The following ULK3 variants were observed in gnomAD, a reference collection of about 807,000 sequenced individuals.
The protein encoded by ULK3 is unc-51 like kinase 3.
In ULK3, 54 loss-of-function variants were observed where a neutral mutation model predicts 69.4. The ratio of observed to expected loss-of-function variants is 0.78; its 90% CI spans 0.63 to 0.98. The LOEUF (loss-of-function observed/expected upper bound fraction) is 0.98. Ranked by LOEUF, ULK3 falls within the 50% of genes least tolerant of loss-of-function variation. ULK3 has a pLI of 0.00. For synonymous variants in ULK3, 240 were observed against 254.5 expected, an observed-to-expected ratio of 0.94 and a Z score of 0.54; for missense variants, 558 against 627.7, an observed-to-expected ratio of 0.89 and a Z score of 1.19.
intron 3 of ULK3, 28 bp from the exon 4 acceptor site, chr15:74,841,537 C>G: frequency 1.2e-6 from 2 of 1,601,158 alleles, no homozygotes; most frequent in African/African-American, 1.3e-5. Context: ...CGAAGAGAGA[C>G]AGTTCAGAGC....
chr15:74,837,357 G>A lies in ULK3; in HGVS notation c.1402+12C>T, dbSNP rs749842515. On this transcript the variant is annotated intron_variant, in intron 15 of 15. Transcript: ENST00000440863. ...TCCTTGGATGGAGGATCGACCCCAG[G>A]GCAGGACTCACAGCTACGAACAGAT... The A allele has an allele frequency of 1.9e-6, 3 of 1,613,142 alleles. No individual in the cohort carries two copies. In the South Asian group the frequency reaches 3.3e-5, roughly 18 times the overall value.
Position 74,838,925 on chromosome 15 carries a change from C to A in ULK3, c.999+85G>T, listed in dbSNP as rs2064133457. 5.9e-6 allele frequency: 9 copies of A among 1,525,654 alleles called. No homozygotes were observed. The Admixed American group carries it at 9.9e-5, about 17-fold the overall frequency. 94.5% of individuals were successfully genotyped at this position (1,525,654 alleles called of 1,614,324 possible). On this transcript the variant is annotated intron_variant, in intron 9 of 15. Transcript: ENST00000440863. ...TGTTGCAGGAGAGGAAGTTCCAATT[C>A]TAAGAGAGCCATTCCCCAGAGGCCC...
At position 74,840,564 on chromosome 15, in the gene ULK3, CG is replaced by C; in HGVS notation, c.546del (p.Glu183ArgfsTer110). 2 of 1,610,448 alleles carry C rather than the reference CG, an allele frequency of 1.2e-6. No individual in the cohort carries two copies. Among genetic ancestry groups the C allele is most frequent in the Middle Eastern group, 3.3e-4 (2 of 6,038 alleles). ...VLRGSPLYMA[P>X]EMVCQRQYDA... ...TCATACTGCCGCTGGCACACCATCT[CG>C]GGGGCCATGTAGAGGGGGGAGCCAC... is the stretch of plus-strand genomic sequence containing the variant. On this transcript the variant is annotated frameshift_variant, in exon 5 of 16. Transcript: ENST00000440863. LOFTEE classifies it high-confidence loss of function.
chr15:74,842,259 G>A lies in ULK3; in HGVS notation c.243+21C>T. 1.2e-6 allele frequency: 2 copies of A among 1,613,908 alleles called. No individual in the cohort carries two copies. The highest frequency in any genetic ancestry group is 1.1e-5 in the South Asian group (1 of 91,082). ...CCCTTCTCCAGCTCCCTTTGGCAGC[G>A]GCCCCGCCCCAGGCTCACACCTGAA... On this transcript the variant is annotated intron_variant, in intron 2 of 15. Coordinates refer to ENST00000440863, the MANE Select transcript of ULK3 (RefSeq NM_001099436.4). The surrounding 1 kb of genome is among the most constrained non-coding windows in gnomAD (Gnocchi z 4.9).
intron 11 of ULK3, 46 bp downstream of exon 11, chr15:74,838,394 C>G: frequency 6.4e-7 from 1 of 1,561,016 alleles, no homozygotes; most frequent in Non-Finnish European, 8.7e-7. Flanking sequence ...CTGGGTATCT[C>G]CCTGCCCTGC....
In ULK3 at chr15:74,842,245, C is replaced by T; in HGVS notation, c.243+35G>A. On this transcript the variant is annotated intron_variant, in intron 2 of 15. Coordinates refer to ENST00000440863, the MANE Select transcript of ULK3 (RefSeq NM_001099436.4). This position sits in a 1 kb window ranked among gnomAD's most constrained non-coding sequence, Gnocchi z 4.9. The stretch of plus-strand genomic sequence containing the variant: ...CCTGAAGAGAGTGTCCCTTCTCCAG[C>T]TCCCTTTGGCAGCGGCCCCGCCCCA... The T allele has an allele frequency of 1.2e-6, 2 of 1,613,904 alleles. No individual in the cohort carries two copies. Among genetic ancestry groups the T allele is most frequent in the Non-Finnish European group, 1.7e-6 (2 of 1,179,808 alleles).
chr15:74,842,720 G>A lies in ULK3; in HGVS notation c.102+284C>T. On this transcript the variant is annotated intron_variant, in intron 1 of 15. Coordinates refer to ENST00000440863, the MANE Select transcript of ULK3 (RefSeq NM_001099436.4). This position sits in a 1 kb window ranked among gnomAD's most constrained non-coding sequence, Gnocchi z 4.9. ...GCATGTCACTCAGGGTTCTAGAACC[G>A]CCCACTCTGCCTCCCAACTGGCTCC... is the stretch of plus-strand genomic sequence containing the variant. 1.3e-6 allele frequency: 2 copies of A among 1,521,678 alleles called. No individual in the cohort carries two copies. Among genetic ancestry groups the A allele is most frequent in the Non-Finnish European group, 1.8e-6 (2 of 1,135,938 alleles). The allele number at this position is 1,521,678 out of a possible 1,614,324, so 94.3% of individuals were successfully genotyped here.
Position 74,842,223 on chromosome 15 carries a change from G to T in ULK3, c.244-28C>A. On this transcript the variant is annotated intron_variant, in intron 2 of 15. Coordinates refer to ENST00000440863, the MANE Select transcript of ULK3 (RefSeq NM_001099436.4). The surrounding 1 kb of genome is among the most constrained non-coding windows in gnomAD (Gnocchi z 4.9). ...GTGTTTAGAGGCAGAGAGGCGGCCT[G>T]AAGAGAGTGTCCCTTCTCCAGCTCC... The T allele has an allele frequency of 6.2e-7, 1 of 1,613,984 alleles. No individual in the cohort carries two copies. Among genetic ancestry groups the T allele is most frequent in the South Asian group, 1.1e-5 (1 of 91,088 alleles).
chr15:74,839,456 C>T (rs1456497865), intron 7 of ULK3, 83 bp from the exon 8 acceptor site: 6 of 1,540,774 alleles, frequency 3.9e-6, no homozygotes, highest in East Asian at 2.4e-5. Context: ...CCCCTGAGCC[C>T]GCCCTCTGTC....
intron 3 of ULK3, 141 bp downstream of exon 3, chr15:74,841,934 A>C: frequency 2.2e-6 from 3 of 1,393,352 alleles, no homozygotes; most frequent in Non-Finnish European, 3.0e-6. Context: ...TGAGTGTATG[A>C]GATAAACAGG....
At position 74,839,492 on chromosome 15, in the gene ULK3, C is replaced by T. The variant is rs377215166; in HGVS notation, c.852+66G>A. The stretch of plus-strand genomic sequence containing the variant: ...TCTGTTGGGTGAGTCACCAATTCAC[C>T]ACCAACGGGGGCAAGGAGACCTCCA... On this transcript the variant is annotated intron_variant, in intron 7 of 15. Coordinates refer to ENST00000440863, the MANE Select transcript of ULK3 (RefSeq NM_001099436.4). 365 of 1,540,292 alleles carry T rather than the reference C, an allele frequency of 2.4e-4. 1 individual carries two copies. In the African/African-American group the frequency reaches 4.4e-3, roughly 19 times the overall value.
intron 4 of ULK3, among the ~76,000 whole-genome samples, chr15:74,841,196 C>T (rs1011542447): frequency 6.6e-6 from 1 of 152,224 alleles, no homozygotes; most frequent in Admixed American, 6.5e-5. Context: ...TGAGCCCTAA[C>T]TCCACCCATT....
In ULK3 at chr15:74,842,780, G is replaced by A. The variant is rs2047831830; in HGVS notation, c.102+224C>T. Reference sequence around the variant, plus strand: ...CTCCTCCCAGCCCACCAGGTAACCTGTTTTGAGCCTGTTCTTCAGCCACTG... The same window carrying A: ...CTCCTCCCAGCCCACCAGGTAACCTATTTTGAGCCTGTTCTTCAGCCACTG... On this transcript the variant is annotated intron_variant, in intron 1 of 15. Coordinates refer to ENST00000440863, the MANE Select transcript of ULK3 (RefSeq NM_001099436.4). This position sits in a 1 kb window ranked among gnomAD's most constrained non-coding sequence, Gnocchi z 4.9. 1 of 1,477,782 alleles carries A rather than the reference G, an allele frequency of 6.8e-7. No individual in the cohort carries two copies. The highest frequency in any genetic ancestry group is 1.3e-5 in the South Asian group (1 of 75,778). The allele number at this position is 1,477,782 out of a possible 1,614,324, so 91.5% of individuals were successfully genotyped here. A position where few individuals can be genotyped will look rare whatever the true frequency, so the allele number is the denominator to read the frequency against.
At chr15:74,838,382 G>A in intron 11 of ULK3, 38 bp from the exon 12 acceptor site, 1 of 1,562,506 alleles carries the variant, frequency 6.4e-7, no homozygotes, top group Non-Finnish European at 8.7e-7. Flanking sequence ...TAGGGTCATG[G>A]CCTGGGTATC....
rs1256748039 is a variant in ULK3, at chr15:74,842,124, G to T, written c.315C>A (p.Thr105=). The T allele has an allele frequency of 6.2e-7, 1 of 1,613,872 alleles. No individual in the cohort carries two copies. Among genetic ancestry groups the T allele is most frequent in the Admixed American group, 1.7e-5 (1 of 60,010 alleles). ...AGGDLSRFIH[T]RRILPEKVAR... ...CCACCTTCTCAGGCAGAATCCTGCG[G>T]GTATGGATGAAGCGAGACAGGTCGC... The change falls in exon 3 of 16, where the codon ACC becomes ACA. Residue 105 remains threonine (T), a synonymous_variant. Transcript: ENST00000440863. The surrounding 1 kb of genome is among the most constrained non-coding windows in gnomAD (Gnocchi z 4.9).
intron 6 of ULK3, 97 bp downstream of exon 6, chr15:74,840,137 C>T: frequency 7.1e-7 from 1 of 1,410,436 alleles, no homozygotes; most frequent in East Asian, 2.5e-5. Context: ...AGCCTGGAGC[C>T]CATACTCCAG....
At position 74,840,530 on chromosome 15, in the gene ULK3, A is replaced by C; in HGVS notation, c.581T>G (p.Val194Gly). 2 of 1,609,974 alleles carry C rather than the reference A, an allele frequency of 1.2e-6. No individual in the cohort carries two copies. The highest frequency in any genetic ancestry group is 8.5e-7 in the Non-Finnish European group (1 of 1,178,572). The change falls in exon 5 of 16, where the codon GTG (valine) becomes GGG (glycine). Residue 194 changes from valine to glycine, a missense_variant. By Grantham distance (109) the Val-to-Gly change is moderately radical. Coordinates refer to ENST00000440863, the MANE Select transcript of ULK3 (RefSeq NM_001099436.4). ...GATGACCCCCATGGACCAGAGGTCC[A>C]CGCGGGCGTCATACTGCCGCTGGCA... ...MVCQRQYDAR[V>G]DLWSMGVILY...
Position 74,837,133 on chromosome 15 carries a change from C to T in ULK3, c.*95G>A. 6.8e-7 allele frequency: 1 copy of T among 1,472,408 alleles called. No homozygotes were observed. Among genetic ancestry groups the T allele is most frequent in the South Asian group, 1.4e-5 (1 of 70,238 alleles). The allele number at this position is 1,472,408 out of a possible 1,614,324, so 91.2% of individuals were successfully genotyped here. A position where few individuals can be genotyped will look rare whatever the true frequency, so the allele number is the denominator to read the frequency against. Reference sequence around the variant, plus strand: ...CTGTCCATCCAAGAAGCCTGCTCGCCAGGGCTGCAGTGGGCCACTTCATTC... The same window carrying T: ...CTGTCCATCCAAGAAGCCTGCTCGCTAGGGCTGCAGTGGGCCACTTCATTC... On this transcript the variant is annotated 3_prime_UTR_variant, in exon 16 of 16. Transcript: ENST00000440863.
At chr15:74,837,877 C>T in intron 13 of ULK3, 79 bp from the exon 14 acceptor site, 1 of 1,407,966 alleles carries the variant, frequency 7.1e-7, no homozygotes, top group Non-Finnish European at 9.8e-7. Flanking sequence ...CTCCTCACCC[C>T]TGATGCTCTC....
Sources: gnomAD v4.1 joint callset for allele counts (sites outside exome capture counted in the v4.1 genomes callset) on GRCh38, gnomAD v4.1.1 for gene constraint, Gnocchi (gnomAD v3.1) non-coding constraint, MANE v1.5 for transcripts, NCBI Gene and HGNC (gene_info 2026-07-23, HGNC 2026-07-21) for gene names.